MGAT4D: variants seen among roughly 807,000 people sequenced by gnomAD.
MGAT4D encodes MGAT4 family member D, also known as alpha-1,3-mannosyl-glycoprotein 4-beta-N-acetylglucosaminyltransferase-like protein MGAT4D.
In MGAT4D, 34 loss-of-function variants were observed where a neutral mutation model predicts 15.9. The ratio of observed to expected loss-of-function variants is 2.14; its 90% CI spans 1.62 to 2.84. MGAT4D has a LOEUF of 2.84. Among genes scored for constraint, MGAT4D ranks in the 30% most tolerant of loss-of-function variants. MGAT4D has a pLI of 0.00. For synonymous variants in MGAT4D, 112 were observed against 48.2 expected, an observed-to-expected ratio of 2.33 and a Z score of -5.49; for missense variants, 327 against 140.2, an observed-to-expected ratio of 2.33 and a Z score of -6.73.
intron 1 of MGAT4D, among the ~76,000 whole-genome samples, chr4:140,483,339 G>T (rs1226015939): frequency 6.6e-6 from 1 of 152,090 alleles, no homozygotes; most frequent in Non-Finnish European, 1.5e-5. Flanking sequence ...ATGGTGCACT[G>T]AAAACTATAT....
chr4:140,467,119 G>C (rs555983335), intron 5 of MGAT4D, among the ~76,000 whole-genome samples: 1 of 151,974 alleles, frequency 6.6e-6, no homozygotes, highest in African/African-American at 2.4e-5. Context: ...ATTTTGGTGG[G>C]AGCATAAGTG....
intron 9 of MGAT4D, among the ~76,000 whole-genome samples, chr4:140,454,313 C>G (rs558539814): frequency 6.6e-6 from 1 of 152,024 alleles, no homozygotes; most frequent in Non-Finnish European, 1.5e-5. Flanking sequence ...GGTTTTATTA[C>G]GTATGAATTT....
intron 5 of MGAT4D, 33 bp downstream of exon 5, chr4:140,471,742 G>C: frequency 5.0e-6 from 2 of 403,056 alleles, no homozygotes; most frequent in Non-Finnish European, 9.0e-6. Flanking sequence ...ATGAAAGAAT[G>C]GCTAATGTAA....
rs1449870642 is a variant in MGAT4D, at chr4:140,482,326, C to T, written c.253+1G>A. 6.5e-6 allele frequency: 4 copies of T among 618,736 alleles called. No homozygotes were observed. The highest frequency in any genetic ancestry group is 1.1e-5 in the Non-Finnish European group (4 of 352,440). 38.3% of individuals were successfully genotyped at this position (618,736 alleles called of 1,614,324 possible). A position where few individuals can be genotyped will look rare whatever the true frequency, so the allele number is the denominator to read the frequency against. On this transcript the variant is annotated splice_donor_variant, in intron 2 of 10. Coordinates refer to ENST00000511113, the MANE Select transcript of MGAT4D (RefSeq NM_001277353.2). LOFTEE classifies it high-confidence loss of function. ...ACAAAACAAACAAAATCAACACAAACCTAAGTTTCCTGACAAAATTTCTCT... is the reference window on the plus strand; with the variant it reads ...ACAAAACAAACAAAATCAACACAAATCTAAGTTTCCTGACAAAATTTCTCT...
chr4:140,447,152 T>C (rs998736985), intron 10 of MGAT4D, among the ~76,000 whole-genome samples: 2 of 152,128 alleles, frequency 1.3e-5, no homozygotes, highest in African/African-American at 4.8e-5. Context: ...TTAGAGTATG[T>C]GCCATGTGGT....
At chr4:140,454,932 G>A (rs1730703067) in intron 9 of MGAT4D, among the ~76,000 whole-genome samples, 2 of 145,634 alleles carry the variant, frequency 1.4e-5, no homozygotes, top group South Asian at 4.6e-4. Flanking sequence ...AGTATGCTGT[G>A]GAACTCCCAC....
chr4:140,484,941 A>C (rs1458392850), intron 1 of MGAT4D, among the ~76,000 whole-genome samples: 2 of 152,210 alleles, frequency 1.3e-5, no homozygotes, highest in East Asian at 1.9e-4. Context: ...GAACACTTTT[A>C]CACTGTTGGT....
chr4:140,470,682 T>C, intron 5 of MGAT4D, among the ~76,000 whole-genome samples: 1 of 152,164 alleles, frequency 6.6e-6, no homozygotes, highest in Non-Finnish European at 1.5e-5. Flanking sequence ...GCAATTCTAT[T>C]TATCAGGCAT....
At chr4:140,449,788 A>T (rs1194493956) in intron 10 of MGAT4D, among the ~76,000 whole-genome samples, 1 of 152,224 alleles carries the variant, frequency 6.6e-6, no homozygotes, top group Non-Finnish European at 1.5e-5. Context: ...CATAAGGGTA[A>T]AACAAAATTT....
chr4:140,462,206 T>G (rs753369054), intron 6 of MGAT4D, among the ~76,000 whole-genome samples: 7 of 152,212 alleles, frequency 4.6e-5, no homozygotes, highest in Non-Finnish European at 7.3e-5. Context: ...CAATGAACAG[T>G]GTCTACCATT....
chr4:140,443,286 AT>A lies in MGAT4D; in HGVS notation c.*149del. On this transcript the variant is annotated 3_prime_UTR_variant, in exon 11 of 11. Coordinates refer to ENST00000511113, the MANE Select transcript of MGAT4D (RefSeq NM_001277353.2). ...CTACCTTGTCTTGACATAAGAAGTCATTTAGTACTTTCAAGTCTACTAGTTT... is the reference window on the plus strand; with the variant it reads ...CTACCTTGTCTTGACATAAGAAGTCATTAGTACTTTCAAGTCTACTAGTTT... 3.2e-6 allele frequency: 1 copy of A among 317,372 alleles called. No individual in the cohort carries two copies. The highest frequency in any genetic ancestry group is 5.7e-6 in the Non-Finnish European group (1 of 174,764). The allele number at this position is 317,372 out of a possible 1,614,324, so 19.7% of individuals were successfully genotyped here.
intron 7 of MGAT4D, 49 bp downstream of exon 7, chr4:140,461,880 T>TACAC (rs10644682): frequency 0.056 from 29,717 of 533,058 alleles, 426 homozygotes; most frequent in East Asian, 0.12. Flanking sequence ...AATTGGTGTA[T>TACAC]ACACACACAC....
chr4:140,476,060 C>T (rs1355598516), intron 3 of MGAT4D, among the ~76,000 whole-genome samples: 1 of 152,088 alleles, frequency 6.6e-6, no homozygotes, highest in African/African-American at 2.4e-5. Flanking sequence ...GATCTGCCCA[C>T]CTCAGCCTCC....
At chr4:140,471,651 T>C (rs1478656360) in intron 5 of MGAT4D, 124 bp downstream of exon 5, 2 of 268,860 alleles carry the variant, frequency 7.4e-6, no homozygotes, top group African/African-American at 2.2e-5. Flanking sequence ...ACAGGTTCTT[T>C]CTGCCAGCTA....
intron 10 of MGAT4D, among the ~76,000 whole-genome samples, chr4:140,446,566 A>G (rs763907444): frequency 6.6e-6 from 1 of 151,458 alleles, no homozygotes; most frequent in Non-Finnish European, 1.5e-5. Flanking sequence ...TCTTTTCTTC[A>G]TTATTACAAT....
intron 10 of MGAT4D, 40 bp from the exon 11 acceptor site, chr4:140,443,484 T>C: frequency 2.0e-6 from 1 of 509,866 alleles, no homozygotes. Context: ...AGAAATAATA[T>C]ATTAATTCAT....
rs185166439 is a variant in MGAT4D, at chr4:140,444,791, C to A, written c.1117-1347G>T. Among the ~76,000 whole-genome samples the A allele has an allele frequency of 9.9e-5, 15 of 152,116 alleles. No individual in the cohort carries two copies. The East Asian group carries it at 2.7e-3, about 27-fold the overall frequency. On this transcript the variant is annotated intron_variant, in intron 10 of 10. Coordinates refer to ENST00000511113, the MANE Select transcript of MGAT4D (RefSeq NM_001277353.2). ...TTTAGTTATTTGAGGAATTGCCACA[C>A]TGCTTTCCATGATGATTGAACTAAT...
At chr4:140,490,826 A>G (rs1368007376) in intron 1 of MGAT4D, among the ~76,000 whole-genome samples, 2 of 152,206 alleles carry the variant, frequency 1.3e-5, no homozygotes, top group African/African-American at 4.8e-5. Context: ...TGTCTTTAAA[A>G]TTCAAATATG....
At chr4:140,493,267 ATCTGTTTATT>A (rs1346376611) in intron 1 of MGAT4D, among the ~76,000 whole-genome samples, 2 of 134,918 alleles carry the variant, frequency 1.5e-5, no homozygotes, top group East Asian at 4.1e-4. Context: ...CCCAAACTGT[ATCTGTTTATT>A]GTTCCTTTAC....
Sources: gnomAD v4.1 joint callset for allele counts (sites outside exome capture counted in the v4.1 genomes callset) on GRCh38, gnomAD v4.1.1 for gene constraint, MANE v1.5 for transcripts, NCBI Gene and HGNC (gene_info 2026-07-23, HGNC 2026-07-21) for gene names.